The following VAMP7 variants were observed in gnomAD, a reference collection of about 807,000 sequenced individuals.
VAMP7 encodes the protein vesicle-associated membrane protein 7.
VAMP7 carries 14 observed loss-of-function variants against 29.6 expected under a neutral mutation model. The observed-to-expected ratio is 0.47, with a 90% confidence interval of 0.31 to 0.74. The LOEUF (loss-of-function observed/expected upper bound fraction) is 0.74. VAMP7 is among the 30% of genes least tolerant of loss of function. VAMP7 has a pLI of 0.05. For missense variants in VAMP7, 223 were observed against 262.4 expected, an observed-to-expected ratio of 0.85 and a Z score of 1.04; for synonymous variants, 95 against 88.1, an observed-to-expected ratio of 1.08 and a Z score of -0.44.
chrX:155,897,041 C>T (rs1226931354), intron 3 of VAMP7, among the ~76,000 whole-genome samples: 3 of 151,702 alleles, frequency 2.0e-5, no homozygotes, highest in Non-Finnish European at 4.4e-5. Context: ...AAGATCTAGT[C>T]ATAGGTCTAA....
At chrX:155,910,969 C>T (rs919390678) in intron 5 of VAMP7, among the ~76,000 whole-genome samples, 16 of 152,058 alleles carry the variant, frequency 1.1e-4, no homozygotes, top group African/African-American at 2.9e-4. Flanking sequence ...TTTTTCTTTT[C>T]GTTACCTGTC....
At chrX:155,914,635 A>G (rs2066284862) in intron 5 of VAMP7, among the ~76,000 whole-genome samples, 1 of 152,016 alleles carries the variant, frequency 6.6e-6, no homozygotes, top group African/African-American at 2.4e-5. Flanking sequence ...GGTTTTTGTC[A>G]TTGGTTCTTT....
rs1338802012 is a variant in VAMP7 at position 155,943,354 on chromosome X, TC to T, written c.*1404del. 1 of 152,282 alleles carries T rather than the reference TC, an allele frequency of 6.6e-6. No individual in the cohort carries two copies. Among genetic ancestry groups the T allele is most frequent in the Non-Finnish European group, 1.5e-5 (1 of 67,986 alleles). The allele number at this position is 152,282 out of a possible 1,614,324, so 9.4% of individuals were successfully genotyped here. On this transcript the variant is annotated 3_prime_UTR_variant, in exon 8 of 8. Coordinates refer to ENST00000286448, the MANE Select transcript of VAMP7 (RefSeq NM_005638.6). ...TAATCTGGCTCATGGTACCTGTTCT[TC>T]TATCCAAACCTTTCAATTCATGCTA...
chrX:155,932,784 C>G (rs757758800), intron 6 of VAMP7, among the ~76,000 whole-genome samples: 5 of 152,202 alleles, frequency 3.3e-5, no homozygotes, highest in South Asian at 4.2e-4. Flanking sequence ...TATCTTGTGC[C>G]AGTTTTCAAA....
intron 6 of VAMP7, among the ~76,000 whole-genome samples, chrX:155,921,129 G>A (rs1366571485): frequency 1.3e-5 from 2 of 152,074 alleles, no homozygotes; most frequent in Non-Finnish European, 2.9e-5. Flanking sequence ...AGGGGGAATG[G>A]TCTGTCTTTG....
intron 6 of VAMP7, among the ~76,000 whole-genome samples, chrX:155,921,932 C>T (rs1200568852): frequency 6.6e-6 from 1 of 151,916 alleles, no homozygotes; most frequent in Non-Finnish European, 1.5e-5. Context: ...TAGAGTTTTT[C>T]GGTCCATGAA....
intron 5 of VAMP7, among the ~76,000 whole-genome samples, chrX:155,911,936 G>A (rs1297591185): frequency 2.0e-5 from 3 of 151,874 alleles, no homozygotes; most frequent in African/African-American, 7.3e-5. Context: ...TTTTCAATTT[G>A]GATGCCCTTT....
chrX:155,924,629 C>T (rs959064093), intron 6 of VAMP7, among the ~76,000 whole-genome samples: 3 of 152,134 alleles, frequency 2.0e-5, no homozygotes, highest in African/African-American at 7.2e-5. Flanking sequence ...CCTGAGCCTT[C>T]AGTGAGCCTT....
intron 7 of VAMP7, among the ~76,000 whole-genome samples, chrX:155,940,031 CCT>C (rs1369392298): frequency 3.3e-5 from 5 of 150,292 alleles, no homozygotes; most frequent in Non-Finnish European, 7.4e-5. Flanking sequence ...ATAAAACTGA[CCT>C]CACAGAAATG....
chrX:155,904,082 A>C (rs770202306), intron 5 of VAMP7, among the ~76,000 whole-genome samples: 35 of 151,814 alleles, frequency 2.3e-4, no homozygotes, highest in African/African-American at 8.4e-4. Context: ...GGAAATCCTC[A>C]TTCTCAGTAA....
At chrX:155,891,950 G>C (rs936281035) in intron 2 of VAMP7, among the ~76,000 whole-genome samples, 4 of 152,094 alleles carry the variant, frequency 2.6e-5, no homozygotes, top group Non-Finnish European at 5.9e-5. Flanking sequence ...TGTGTTTCTA[G>C]GCAGTTCCTG....
At chrX:155,929,664 A>G (rs1240829685) in intron 6 of VAMP7, among the ~76,000 whole-genome samples, 1 of 152,146 alleles carries the variant, frequency 6.6e-6, no homozygotes, top group Non-Finnish European at 1.5e-5. Flanking sequence ...GCTTATTCCC[A>G]GATATTCTTG....
chrX:155,935,386 G>C (rs916266695), intron 6 of VAMP7, among the ~76,000 whole-genome samples: 1 of 152,016 alleles, frequency 6.6e-6, no homozygotes, highest in Non-Finnish European at 1.5e-5. Flanking sequence ...TTTCTTGGAG[G>C]CTTTTTTCGT....
intron 6 of VAMP7, among the ~76,000 whole-genome samples, chrX:155,921,955 C>T (rs911503521): frequency 1.3e-5 from 2 of 152,002 alleles, no homozygotes; most frequent in East Asian, 3.9e-4. Flanking sequence ...TGACATATCT[C>T]TGCTTTTGCT....
chrX:155,903,729 G>T (rs1248082590), intron 5 of VAMP7, among the ~76,000 whole-genome samples: 1 of 152,156 alleles, frequency 6.6e-6, no homozygotes, highest in Non-Finnish European at 1.5e-5. Context: ...AGGATGTGGA[G>T]AAATAGGAAC....
At chrX:155,892,814 G>C (rs1201764789) in intron 2 of VAMP7, among the ~76,000 whole-genome samples, 1 of 151,764 alleles carries the variant, frequency 6.6e-6, no homozygotes, top group African/African-American at 2.4e-5. Context: ...GTGCAATGGC[G>C]CAATCTCAGC....
At chrX:155,925,374 C>G (rs1181636323) in intron 6 of VAMP7, among the ~76,000 whole-genome samples, 1 of 152,118 alleles carries the variant, frequency 6.6e-6, no homozygotes, top group African/African-American at 2.4e-5. Flanking sequence ...TGAAATCACT[C>G]CTTGATTCAT....
intron 7 of VAMP7, 42 bp downstream of exon 7, chrX:155,939,835 C>A: frequency 1.4e-6 from 2 of 1,458,188 alleles, no homozygotes; most frequent in Non-Finnish European, 1.9e-6. Context: ...ATTTTTCAAT[C>A]TCTAAGAAAT....
At chrX:155,900,724 C>T (rs1325286042) in intron 5 of VAMP7, 137 bp downstream of exon 5, 2 of 684,168 alleles carry the variant, frequency 2.9e-6, no homozygotes, top group South Asian at 2.0e-5. Context: ...GCTGAGACAA[C>T]TGTGATACTG....
Sources: gnomAD v4.1 joint callset for allele counts (sites outside exome capture counted in the v4.1 genomes callset) on GRCh38, gnomAD v4.1.1 for gene constraint, MANE v1.5 for transcripts, NCBI Gene and HGNC (gene_info 2026-07-23, HGNC 2026-07-21) for gene names.